Variants in STX19 observed in about 807,000 individuals in gnomAD.
STX19 encodes the protein syntaxin 19.
In STX19, 26 loss-of-function variants were observed where a neutral mutation model predicts 24.3. The observed-to-expected ratio is 1.07, with a 90% CI of 0.78 to 1.48. The LOEUF (loss-of-function observed/expected upper bound fraction) is 1.48. Ranked by LOEUF, STX19 falls within the 40% of genes most tolerant of loss-of-function variation. The pLI is 0.00. For missense variants in STX19, 367 were observed against 331.9 expected (o/e 1.11, Z -0.82); for synonymous variants, 116 against 106.9 (o/e 1.09, Z -0.52).
At chr3:94,018,483 T>C (rs1439209424) in intron 1 of STX19, among the ~76,000 whole-genome samples, 1 of 152,170 alleles carries the variant, frequency 6.6e-6, no homozygotes, top group Non-Finnish European at 1.5e-5. Context: ...TCCTGGCTAC[T>C]CCTTATCTCC....
At chr3:94,015,565 C>G (rs2076315811) in intron 1 of STX19, among the ~76,000 whole-genome samples, 1 of 152,114 alleles carries the variant, frequency 6.6e-6, no homozygotes, top group African/African-American at 2.4e-5. Context: ...AAATATTTGT[C>G]ACATGATAGT....
rs770457397 is a variant in STX19 at position 94,015,013 on chromosome 3, C to A, written c.257G>T (p.Ser86Ile). 1.7e-5 allele frequency: 28 copies of A among 1,613,918 alleles called. No individual in the cohort carries two copies. The highest frequency in any genetic ancestry group is 2.3e-5 in the Non-Finnish European group (27 of 1,179,970). The change falls in exon 2 of 2, where the codon AGT (serine) becomes ATT (isoleucine). Residue 86 changes from serine (S) to isoleucine (I), a missense_variant. Coordinates refer to ENST00000315099, the MANE Select transcript of STX19 (RefSeq NM_001001850.3). ...KSLVASMRRF[S>I]LLKRESTITK... ...AATGGTAGACTCTCTCTTAAGTAGA[C>A]TAAACCTTCTCATTGAAGCCACCAG... is the stretch of plus-strand genomic sequence containing the variant.
At chr3:94,024,909 A>C (rs1166079146) in intron 1 of STX19, among the ~76,000 whole-genome samples, 2 of 152,204 alleles carry the variant, frequency 1.3e-5, no homozygotes, top group Non-Finnish European at 1.5e-5. Context: ...AAAATTAGAA[A>C]TAAAGTAATC....
At chr3:94,019,231 C>G (rs2076397576) in intron 1 of STX19, among the ~76,000 whole-genome samples, 1 of 152,032 alleles carries the variant, frequency 6.6e-6, no homozygotes, top group Non-Finnish European at 1.5e-5. Context: ...GAGTCTCCCT[C>G]TGTTGCCTAG....
chr3:94,022,731 A>G (rs532733291), intron 1 of STX19, among the ~76,000 whole-genome samples: 115 of 152,248 alleles, frequency 7.6e-4, no homozygotes, highest in African/African-American at 2.7e-3. Context: ...ACATATTTAT[A>G]TATACAGAAA....
At chr3:94,021,127 G>T (rs150950343) in intron 1 of STX19, among the ~76,000 whole-genome samples, 1 of 151,248 alleles carries the variant, frequency 6.6e-6, no homozygotes, top group African/African-American at 2.4e-5. Flanking sequence ...ACTATAGAAA[G>T]AATTGCCAGT....
In STX19 at chr3:94,015,088, A is replaced by G; in HGVS notation, c.182T>C (p.Ile61Thr). 2 of 1,613,862 alleles carry G rather than the reference A, an allele frequency of 1.2e-6. No homozygotes were observed. The highest frequency in any genetic ancestry group is 1.7e-6 in the Non-Finnish European group (2 of 1,179,912). ...LHEIQKLQES[I>T]NNLADNVQKF... ...TTGAACATTATCTGCCAAATTGTTA[A>G]TACTTTCCTGTAGTTTTTGGATTTC... is the stretch of plus-strand genomic sequence containing the variant. Residue 61 changes from isoleucine to threonine, a missense_variant, in exon 2 of 2, where the codon ATT becomes ACT. Ile to Thr is a moderately conservative substitution (Grantham distance 89). Transcript: ENST00000315099.
In STX19 at chr3:94,021,182, TTA is replaced by T. The variant is rs373884811; in HGVS notation, c.-13-5902_-13-5901del. ...TTTTTGTCTTTCGTGTTTAATATTA[TTA>T]TATATATATATATATAATTTTTTTT... On this transcript the variant is annotated intron_variant, in intron 1 of 1. Transcript: ENST00000315099. Among the ~76,000 whole-genome samples, 413 of 146,432 alleles carry T rather than the reference TTA, an allele frequency of 2.8e-3. 2 individuals carry two copies. Among genetic ancestry groups the T allele is most frequent in the Non-Finnish European group, 4.5e-3 (298 of 66,626 alleles).
rs60559206 is a variant in STX19 at position 94,021,429 on chromosome 3, A to G, written c.-13-6147T>C. On this transcript the variant is annotated intron_variant, in intron 1 of 1. Transcript: ENST00000315099. ...AGGCTCATCTTGAACTCCTGACCTC[A>G]AGTGATCTGCCCGCCTCAGCCTCCC... Among the ~76,000 whole-genome samples, 61 of 152,150 alleles carry G rather than the reference A, an allele frequency of 4.0e-4. No individual in the cohort carries two copies. The East Asian group carries it at 0.011, about 27-fold the overall frequency.
At chr3:94,025,331 C>T (rs780668676) in intron 1 of STX19, among the ~76,000 whole-genome samples, 2 of 151,696 alleles carry the variant, frequency 1.3e-5, no homozygotes, top group Non-Finnish European at 2.9e-5. Context: ...ATCAGGTTTC[C>T]TTTCAGTGTT....
Position 94,014,600 on chromosome 3 carries a change from T to A in STX19, c.670A>T (p.Asn224Tyr). The A allele has an allele frequency of 6.2e-7, 1 of 1,613,024 alleles. No homozygotes were observed. The highest frequency in any genetic ancestry group is 1.1e-5 in the South Asian group (1 of 90,740). Residue 224 changes from asparagine (N) to tyrosine (Y), a missense_variant, in exon 2 of 2, where the codon AAC becomes TAC. By Grantham distance (143) the Asn-to-Tyr change is moderately radical. Transcript: ENST00000315099. ...QRHKELVNLE[N>Y]QIKDLRDLFI... ...AGATCCCTTAAATCCTTTATTTGGTTCTCCAAATTAACAAGTTCCTTGTGT... is the reference window on the plus strand; with the variant it reads ...AGATCCCTTAAATCCTTTATTTGGTACTCCAAATTAACAAGTTCCTTGTGT...
intron 1 of STX19, among the ~76,000 whole-genome samples, chr3:94,022,774 T>C (rs989910312): frequency 2.0e-5 from 3 of 152,052 alleles, no homozygotes; most frequent in African/African-American, 4.8e-5. Context: ...ATTATGGTGA[T>C]TTTTCACAAA....
Position 94,025,311 on chromosome 3 carries a change from T to G in STX19, c.-14+3056A>C, listed in dbSNP as rs1035600615. The stretch of plus-strand genomic sequence containing the variant: ...CATTATTGATATTAAAGGCAAAACA[T>G]GGAAATAGAATCAGGTTTCCTTTCA... On this transcript the variant is annotated intron_variant, in intron 1 of 1. Transcript: ENST00000315099. Among the ~76,000 whole-genome samples, 6 of 151,758 alleles carry G rather than the reference T, an allele frequency of 4.0e-5. No individual in the cohort carries two copies. The East Asian group carries it at 7.7e-4, about 20-fold the overall frequency.
intron 1 of STX19, among the ~76,000 whole-genome samples, chr3:94,017,057 C>G (rs2076349222): frequency 1.3e-5 from 2 of 152,100 alleles, no homozygotes; most frequent in Non-Finnish European, 2.9e-5. Context: ...GAGCAAATTG[C>G]AAGGGTAAGG....
Position 94,015,092 on chromosome 3 carries a change from T to C in STX19, c.178A>G (p.Ser60Gly). 1 of 1,613,820 alleles carries C rather than the reference T, an allele frequency of 6.2e-7. No homozygotes were observed. Among genetic ancestry groups the C allele is most frequent in the Non-Finnish European group, 8.5e-7 (1 of 1,179,902 alleles). Residue 60 changes from serine to glycine, a missense_variant, in exon 2 of 2, where the codon AGT becomes GGT. Physicochemically the swap from Ser to Gly is moderately conservative, Grantham distance 56. Transcript: ENST00000315099. ...ACATTATCTGCCAAATTGTTAATAC[T>C]TTCCTGTAGTTTTTGGATTTCATGT... ...HLHEIQKLQESINNLADNVQK... is the reference protein window; with the variant it reads ...HLHEIQKLQEGINNLADNVQK...
intron 1 of STX19, among the ~76,000 whole-genome samples, chr3:94,025,370 A>G (rs916011394): frequency 2.6e-5 from 4 of 152,180 alleles, no homozygotes; most frequent in Admixed American, 2.6e-4. Context: ...TATTATGTAA[A>G]CGATGTTTAA....
chr3:94,015,735 TAAAAC>T (rs1219560292), intron 1 of STX19, among the ~76,000 whole-genome samples: 1 of 152,204 alleles, frequency 6.6e-6, no homozygotes, highest in African/African-American at 2.4e-5. Flanking sequence ...ATCATTCAGT[TAAAAC>T]CATTGTAGTG....
chr3:94,022,210 T>C (rs1485896218), intron 1 of STX19, among the ~76,000 whole-genome samples: 1 of 151,996 alleles, frequency 6.6e-6, no homozygotes, highest in Non-Finnish European at 1.5e-5. Context: ...TGCAACCTCC[T>C]CCTCCCTGGT....
At chr3:94,023,011 C>T (rs1365553759) in intron 1 of STX19, among the ~76,000 whole-genome samples, 1 of 151,812 alleles carries the variant, frequency 6.6e-6, no homozygotes, top group Admixed American at 6.6e-5. Flanking sequence ...CCTGGAAACT[C>T]TAATGTAACC....
Sources: gnomAD v4.1 joint callset for allele counts (sites outside exome capture counted in the v4.1 genomes callset) on GRCh38, gnomAD v4.1.1 for gene constraint, MANE v1.5 for transcripts, NCBI Gene and HGNC (gene_info 2026-07-23, HGNC 2026-07-21) for gene names.